The following ONECUT2 variants were observed in gnomAD, a reference collection of about 807,000 sequenced individuals.
ONECUT2 encodes the protein one cut domain family member 2.
Under a neutral mutation model 27.9 loss-of-function variants are expected in ONECUT2, and 10 were observed. The ratio of observed to expected loss-of-function variants is 0.36; its 90% CI spans 0.22 to 0.61. The LOEUF is 0.61. Among genes scored for constraint, ONECUT2 ranks in the 20% least tolerant of loss-of-function variants. The probability of loss-of-function intolerance (pLI) is 0.73; values close to 1 mark genes in which losing one functional copy is unlikely to be tolerated. For synonymous variants in ONECUT2, 334 were observed against 315.1 expected (o/e 1.06, Z -0.64); for missense variants, 686 against 721.0 (o/e 0.95, Z 0.56).
chr18:57,466,843 C>G (rs1257935087), intron 1 of ONECUT2, among the ~76,000 whole-genome samples: 1 of 152,154 alleles, frequency 6.6e-6, no homozygotes, highest in African/African-American at 2.4e-5. Flanking sequence ...AGACCATCTG[C>G]TATTAGAAGC....
At position 57,486,902 on chromosome 18, in the gene ONECUT2, C is replaced by T. The variant is rs1039887306; in HGVS notation, c.*10179C>T. The T allele has an allele frequency of 6.6e-6, 1 of 152,608 alleles. No homozygotes were observed. 9.5% of individuals were successfully genotyped at this position (152,608 alleles called of 1,614,324 possible). A position where few individuals can be genotyped will look rare whatever the true frequency, so the allele number is the denominator to read the frequency against. On this transcript the variant is annotated 3_prime_UTR_variant, in exon 2 of 2. Transcript: ENST00000491143. Reference sequence around the variant, plus strand: ...AGTGTAGTATTATGATTAGCAACTGCCAATCAGTGCTATAATTTTATGCAT... The same window carrying T: ...AGTGTAGTATTATGATTAGCAACTGTCAATCAGTGCTATAATTTTATGCAT...
rs760919831 is a variant in ONECUT2 at position 57,435,701 on chromosome 18, G to A, written c.-16G>A. 1 of 1,069,012 alleles carries A rather than the reference G, an allele frequency of 9.4e-7. No homozygotes were observed. Among genetic ancestry groups the A allele is most frequent in the Admixed American group, 3.4e-5 (1 of 29,102 alleles). 66.2% of individuals were successfully genotyped at this position (1,069,012 alleles called of 1,614,324 possible). On this transcript the variant is annotated 5_prime_UTR_variant, in exon 1 of 2. Transcript: ENST00000491143. ...GCCCCCGCCGCCCCCGCCGCCCCCG[G>A]GCCCTGATGGACTGAATGAAGGCTG... is the stretch of plus-strand genomic sequence containing the variant.
chr18:57,489,873 C>A lies in ONECUT2; in HGVS notation c.*13150C>A, dbSNP rs2050456433. 6.6e-6 allele frequency: 1 copy of A among 152,182 alleles called. No homozygotes were observed. The highest frequency in any genetic ancestry group is 2.4e-5 in the African/African-American group (1 of 41,444). The allele number at this position is 152,182 out of a possible 1,614,324, so 9.4% of individuals were successfully genotyped here. On this transcript the variant is annotated 3_prime_UTR_variant, in exon 2 of 2. Transcript: ENST00000491143. ...TCCACATTGATAACTTGATAAATAA[C>A]CACTAAAGTTTAGATGCAGGGACTG...
At chr18:57,457,407 A>G (rs772155303) in intron 1 of ONECUT2, among the ~76,000 whole-genome samples, 5 of 152,148 alleles carry the variant, frequency 3.3e-5, no homozygotes, top group Admixed American at 6.5e-5. Context: ...ATTTTACTCT[A>G]TCCTGCCCTT....
chr18:57,460,687 C>CTTTTTTTTT, intron 1 of ONECUT2, among the ~76,000 whole-genome samples: 1 of 112,956 alleles, frequency 8.9e-6, no homozygotes, highest in African/African-American at 3.4e-5. Context: ...TCATTCAAAT[C>CTTTTTTTTT]TTTTTTTTTT....
chr18:57,462,885 C>T (rs1016849011), intron 1 of ONECUT2, among the ~76,000 whole-genome samples: 17 of 151,838 alleles, frequency 1.1e-4, no homozygotes, highest in Non-Finnish European at 2.5e-4. Context: ...GCATCTGCCA[C>T]CACGCCTGGC....
Position 57,436,363 on chromosome 18 carries a change from A to T in ONECUT2, c.647A>T (p.Glu216Val). 6.2e-7 allele frequency: 1 copy of T among 1,607,412 alleles called. No homozygotes were observed. Among genetic ancestry groups the T allele is most frequent in the Non-Finnish European group, 8.5e-7 (1 of 1,179,838 alleles). The stretch of plus-strand genomic sequence containing the variant: ...AACAACCTCTACAGTCCCTACAAGG[A>T]GATGCCCGGCATGAGCCAGAGCCTG... ...AMNNLYSPYK[E>V]MPGMSQSLSP... The change falls in exon 1 of 2, where the codon GAG becomes GTG. Residue 216 changes from glutamate to valine, a missense_variant. Coordinates refer to ENST00000491143, the MANE Select transcript of ONECUT2 (RefSeq NM_004852.3). The surrounding 1 kb of genome is among the most constrained non-coding windows in gnomAD (Gnocchi z 5.9).
At position 57,467,426 on chromosome 18, in the gene ONECUT2, C is replaced by T. The variant is rs376783685; in HGVS notation, c.1229-9011C>T. On this transcript the variant is annotated intron_variant, in intron 1 of 1. Coordinates refer to ENST00000491143, the MANE Select transcript of ONECUT2 (RefSeq NM_004852.3). ...TGTCACCCAGGCGGGAGCGCAATGG[C>T]GTGATCTTGGCTCACTGCAATCTCT... Among the ~76,000 whole-genome samples, 234 of 152,080 alleles carry T rather than the reference C, an allele frequency of 1.5e-3. 3 individuals carry two copies. The highest frequency in any genetic ancestry group is 5.4e-3 in the African/African-American group (226 of 41,510).
intron 1 of ONECUT2, among the ~76,000 whole-genome samples, chr18:57,461,416 T>A (rs2050290704): frequency 6.6e-6 from 1 of 152,256 alleles, no homozygotes; most frequent in South Asian, 2.1e-4. Flanking sequence ...TGTACATGCA[T>A]CCTAATGTAC....
In ONECUT2 at chr18:57,489,622, T is replaced by A. The variant is rs560764269; in HGVS notation, c.*12899T>A. On this transcript the variant is annotated 3_prime_UTR_variant, in exon 2 of 2. Coordinates refer to ENST00000491143, the MANE Select transcript of ONECUT2 (RefSeq NM_004852.3). ...AGTCAGCTTTATCTCTAGGAAAGTT[T>A]TTTCAGATTATGACAAGGAACCTGC... is the stretch of plus-strand genomic sequence containing the variant. 3.9e-5 allele frequency: 6 copies of A among 152,270 alleles called. No homozygotes were observed. The South Asian group carries it at 1.2e-3, about 32-fold the overall frequency. 9.4% of individuals were successfully genotyped at this position (152,270 alleles called of 1,614,324 possible). A position where few individuals can be genotyped will look rare whatever the true frequency, so the allele number is the denominator to read the frequency against.
At position 57,435,683 on chromosome 18, in the gene ONECUT2, C is replaced by T; in HGVS notation, c.-34C>T. Reference sequence around the variant, plus strand: ...CTTGCCCGCCCGCCGGCCGCCCCCGCCGCCCCCGCCGCCCCCGGGCCCTGA... The same window carrying T: ...CTTGCCCGCCCGCCGGCCGCCCCCGTCGCCCCCGCCGCCCCCGGGCCCTGA... On this transcript the variant is annotated 5_prime_UTR_variant, in exon 1 of 2. Coordinates refer to ENST00000491143, the MANE Select transcript of ONECUT2 (RefSeq NM_004852.3). The T allele has an allele frequency of 9.7e-7, 1 of 1,035,242 alleles. No homozygotes were observed. The highest frequency in any genetic ancestry group is 1.2e-6 in the Non-Finnish European group (1 of 847,380). The allele number at this position is 1,035,242 out of a possible 1,614,324, so 64.1% of individuals were successfully genotyped here.
Position 57,487,645 on chromosome 18 carries a change from C to T in ONECUT2, c.*10922C>T, listed in dbSNP as rs949001825. 6.6e-6 allele frequency: 1 copy of T among 152,134 alleles called. No homozygotes were observed. Among genetic ancestry groups the T allele is most frequent in the African/African-American group, 2.4e-5 (1 of 41,442 alleles). The allele number at this position is 152,134 out of a possible 1,614,324, so 9.4% of individuals were successfully genotyped here. On this transcript the variant is annotated 3_prime_UTR_variant, in exon 2 of 2. Coordinates refer to ENST00000491143, the MANE Select transcript of ONECUT2 (RefSeq NM_004852.3). ...TTGGGCAAAAATACGCAGCCATTTC[C>T]CAAAACTTCACATGTGCAGCTATCA...
chr18:57,455,286 C>A (rs910222391), intron 1 of ONECUT2, among the ~76,000 whole-genome samples: 1 of 152,158 alleles, frequency 6.6e-6, no homozygotes, highest in Non-Finnish European at 1.5e-5. Context: ...GAAAGAAAAC[C>A]TGTAGACATC....
intron 1 of ONECUT2, among the ~76,000 whole-genome samples, chr18:57,468,244 A>G (rs910797528): frequency 6.6e-6 from 1 of 152,208 alleles, no homozygotes; most frequent in African/African-American, 2.4e-5. Context: ...CTGTATTGGC[A>G]TCTGGTACAT....
chr18:57,478,965 T>C lies in ONECUT2; in HGVS notation c.*2242T>C, dbSNP rs1568126167. 1.3e-5 allele frequency: 2 copies of C among 152,646 alleles called. No individual in the cohort carries two copies. The highest frequency in any genetic ancestry group is 2.9e-5 in the Non-Finnish European group (2 of 68,046). 9.5% of individuals were successfully genotyped at this position (152,646 alleles called of 1,614,324 possible). The stretch of plus-strand genomic sequence containing the variant: ...CCCAACATGGAATCTCTCAAAAGTT[T>C]CCATGGACTCCAAGTTTAAGATGTT... On this transcript the variant is annotated 3_prime_UTR_variant, in exon 2 of 2. Coordinates refer to ENST00000491143, the MANE Select transcript of ONECUT2 (RefSeq NM_004852.3).
intron 1 of ONECUT2, among the ~76,000 whole-genome samples, chr18:57,446,076 G>A (rs989668770): frequency 2.6e-5 from 4 of 152,230 alleles, no homozygotes; most frequent in Non-Finnish European, 4.4e-5. Flanking sequence ...CAAAGGTCAC[G>A]CCAGTCAGTC....
rs1438890779 is a variant in ONECUT2, at chr18:57,490,579, C to T, written c.*13856C>T. ...AAAATGGCTATAGAGTGTGAGCCTC[C>T]GTTGACCATATGCTCAAAGACCGTA... On this transcript the variant is annotated 3_prime_UTR_variant, in exon 2 of 2. Transcript: ENST00000491143. 11 of 152,068 alleles carry T rather than the reference C, an allele frequency of 7.2e-5. No homozygotes were observed. Among genetic ancestry groups the T allele is most frequent in the South Asian group, 4.2e-4 (2 of 4,816 alleles). 9.4% of individuals were successfully genotyped at this position (152,068 alleles called of 1,614,324 possible).
intron 1 of ONECUT2, among the ~76,000 whole-genome samples, chr18:57,467,461 G>C (rs1186387443): frequency 1.3e-5 from 2 of 152,170 alleles, no homozygotes; most frequent in Non-Finnish European, 2.9e-5. Flanking sequence ...TGCCTCCCGG[G>C]TTGAAGTGAT....
At position 57,484,120 on chromosome 18, in the gene ONECUT2, A is replaced by T. The variant is rs372315422; in HGVS notation, c.*7397A>T. On this transcript the variant is annotated 3_prime_UTR_variant, in exon 2 of 2. Transcript: ENST00000491143. ...AAAAATCGTAAACAAAAAGAGAGAA[A>T]CCCTTACACTAGCTGCTTCCAAGAA... 2.0e-5 allele frequency: 3 copies of T among 152,604 alleles called. No homozygotes were observed. In the South Asian group the frequency reaches 6.2e-4, roughly 32 times the overall value. The allele number at this position is 152,604 out of a possible 1,614,324, so 9.5% of individuals were successfully genotyped here.
Sources: gnomAD v4.1 joint callset for allele counts (sites outside exome capture counted in the v4.1 genomes callset) on GRCh38, gnomAD v4.1.1 for gene constraint, Gnocchi (gnomAD v3.1) non-coding constraint, MANE v1.5 for transcripts, NCBI Gene and HGNC (gene_info 2026-07-23, HGNC 2026-07-21) for gene names.